Variants in AGBL4 observed in about 807,000 individuals in gnomAD.
The protein encoded by AGBL4 is AGBL carboxypeptidase 4, also known as cytosolic carboxypeptidase 6.
In AGBL4, 58 loss-of-function variants were observed where a neutral mutation model predicts 66.4. That is an observed-to-expected ratio of 0.87 (90% CI 0.71 to 1.09). The LOEUF is 1.09. Ranked by LOEUF, AGBL4 falls within the 50% of genes least tolerant of loss-of-function variation. The probability of loss-of-function intolerance (pLI) is 0.00; values close to 1 mark genes in which losing one functional copy is unlikely to be tolerated. For synonymous variants in AGBL4, 234 were observed against 222.9 expected, an observed-to-expected ratio of 1.05 and a Z score of -0.44; for missense variants, 579 against 631.0, an observed-to-expected ratio of 0.92 and a Z score of 0.88.
intron 3 of AGBL4, among the ~76,000 whole-genome samples, chr1:49,274,627 C>T (rs1054419968): frequency 6.6e-6 from 1 of 152,008 alleles, no homozygotes; most frequent in African/African-American, 2.4e-5. Context: ...AGATACAGTA[C>T]AAAATTTGCT....
At chr1:49,911,138 C>A (rs1650783084) in intron 1 of AGBL4, among the ~76,000 whole-genome samples, 1 of 152,062 alleles carries the variant, frequency 6.6e-6, no homozygotes, top group South Asian at 2.1e-4. Flanking sequence ...ACATAGTAGA[C>A]TATTCTGGGC....
intron 2 of AGBL4, among the ~76,000 whole-genome samples, chr1:49,754,678 C>T (rs576033618): frequency 6.6e-6 from 1 of 152,292 alleles, no homozygotes; most frequent in South Asian, 2.1e-4. Flanking sequence ...GTCAGGAACC[C>T]ACTTGAGGAA....
chr1:49,156,036 A>G (rs1050000754), intron 4 of AGBL4, among the ~76,000 whole-genome samples: 1 of 152,210 alleles, frequency 6.6e-6, no homozygotes, highest in South Asian at 2.1e-4. Flanking sequence ...TTGAATACCA[A>G]CTAAGTGTCA....
chr1:49,048,717 T>G (rs1644140495), intron 4 of AGBL4, among the ~76,000 whole-genome samples: 1 of 152,070 alleles, frequency 6.6e-6, no homozygotes, highest in African/African-American at 2.4e-5. Context: ...GTGTTTTATA[T>G]GCATTATGAT....
chr1:48,569,287 A>C (rs1417208053), intron 11 of AGBL4, among the ~76,000 whole-genome samples: 1 of 152,270 alleles, frequency 6.6e-6, no homozygotes, highest in Non-Finnish European at 1.5e-5. Flanking sequence ...TAAGGGAAGA[A>C]GCAATGTCTT....
chr1:48,719,717 A>G (rs796845796), intron 6 of AGBL4, among the ~76,000 whole-genome samples: 6 of 152,316 alleles, frequency 3.9e-5, no homozygotes, highest in African/African-American at 1.4e-4. Context: ...AGTGCTTTCT[A>G]TGTGCTAGGT....
rs1662647784 is a variant in AGBL4, at chr1:50,023,938, G to GTGGCCGGCGCGCGGC, written c.-157_-143dup. 1.1e-6 allele frequency: 1 copy of GTGGCCGGCGCGCGGC among 922,218 alleles called. No homozygotes were observed. 57.1% of individuals were successfully genotyped at this position (922,218 alleles called of 1,614,324 possible). A position where few individuals can be genotyped will look rare whatever the true frequency, so the allele number is the denominator to read the frequency against. ...TGGGCAACGGGCGGCAGGCGCGCGGGTGGCCGGCGCGCGGCTGAGGGCGGG... is the reference window on the plus strand; with the variant it reads ...TGGGCAACGGGCGGCAGGCGCGCGGGTGGCCGGCGCGCGGCTGGCCGGCGCGCGGCTGAGGGCGGG... On this transcript the variant is annotated 5_prime_UTR_variant, in exon 1 of 14. Coordinates refer to ENST00000371839, the MANE Select transcript of AGBL4 (RefSeq NM_032785.4).
At chr1:49,824,001 G>A (rs528108636) in intron 2 of AGBL4, among the ~76,000 whole-genome samples, 28 of 152,030 alleles carry the variant, frequency 1.8e-4, no homozygotes, top group Non-Finnish European at 2.6e-4. Flanking sequence ...ACCTGAAGTT[G>A]GGAGTTCGAG....
At chr1:49,916,842 A>G (rs1043046544) in intron 1 of AGBL4, among the ~76,000 whole-genome samples, 30 of 152,312 alleles carry the variant, frequency 2.0e-4, no homozygotes, top group Admixed American at 3.9e-4. Context: ...GAGAAAGGTC[A>G]GGTTACCCAC....
At chr1:49,435,401 T>C (rs1381029570) in intron 3 of AGBL4, among the ~76,000 whole-genome samples, 1 of 152,214 alleles carries the variant, frequency 6.6e-6, no homozygotes, top group East Asian at 1.9e-4. Flanking sequence ...TTTCCATGGA[T>C]GTATTCCCAG....
chr1:50,019,306 T>TCTCTCTCTCTCTCACACACACACA (rs1167835143), intron 1 of AGBL4, among the ~76,000 whole-genome samples: 2 of 48,432 alleles, frequency 4.1e-5, no homozygotes, highest in African/African-American at 7.4e-5. Context: ...TCTCTCTCTC[T>TCTCTCTCTCTCTCACACACACACA]CACACACACA....
At chr1:48,701,862 A>G (rs1413073050) in intron 6 of AGBL4, among the ~76,000 whole-genome samples, 1 of 152,208 alleles carries the variant, frequency 6.6e-6, no homozygotes, top group East Asian at 1.9e-4. Flanking sequence ...AAATAGACAT[A>G]AATGAATGAA....
chr1:48,704,327 C>T (rs1646848631), intron 6 of AGBL4, among the ~76,000 whole-genome samples: 1 of 152,152 alleles, frequency 6.6e-6, no homozygotes, highest in South Asian at 2.1e-4. Flanking sequence ...CGAGTGTAGA[C>T]TTTAGAAACA....
chr1:49,081,032 C>T (rs762745025), intron 4 of AGBL4, among the ~76,000 whole-genome samples: 74 of 152,210 alleles, frequency 4.9e-4, no homozygotes, highest in South Asian at 1.0e-3. Context: ...CTCTGAGACA[C>T]ATTCATATTT....
At chr1:48,768,792 A>C (rs1644661303) in intron 6 of AGBL4, among the ~76,000 whole-genome samples, 2 of 152,210 alleles carry the variant, frequency 1.3e-5, no homozygotes, top group Admixed American at 1.3e-4. Flanking sequence ...TATAAGTTTA[A>C]AGTTTTTCAT....
chr1:49,614,805 T>C (rs541297233), intron 3 of AGBL4, among the ~76,000 whole-genome samples: 1 of 152,334 alleles, frequency 6.6e-6, no homozygotes, highest in Admixed American at 6.5e-5. Flanking sequence ...CTCCCATCTT[T>C]GCATACCTCT....
In AGBL4 at chr1:48,939,429, T is replaced by C. The variant is rs576576397; in HGVS notation, c.595-72199A>G. 2.0e-4 allele frequency among the ~76,000 whole-genome samples: 31 copies of C among 152,324 alleles called. 1 individual carries two copies. The South Asian group carries it at 6.4e-3, about 32-fold the overall frequency. ...AATGGCATTAGCATCTAGTCAATAATGCTCAGCATTTCATTTTAGCACTTT... is the reference window on the plus strand; with the variant it reads ...AATGGCATTAGCATCTAGTCAATAACGCTCAGCATTTCATTTTAGCACTTT... On this transcript the variant is annotated intron_variant, in intron 5 of 13. Transcript: ENST00000371839.
At chr1:48,594,376 C>A (rs971277227) in intron 9 of AGBL4, among the ~76,000 whole-genome samples, 1 of 152,094 alleles carries the variant, frequency 6.6e-6, no homozygotes, top group Admixed American at 6.6e-5. Context: ...AATTTGCATT[C>A]TCTTTTCTAA....
intron 1 of AGBL4, among the ~76,000 whole-genome samples, chr1:49,992,662 A>T (rs1444121809): frequency 6.6e-6 from 1 of 152,012 alleles, no homozygotes; most frequent in Non-Finnish European, 1.5e-5. Context: ...ATCCTTCATA[A>T]TTCCTTTAGG....
Sources: allele counts gnomAD v4.1 joint callset (sites outside exome capture counted in the v4.1 genomes callset), GRCh38; gene constraint gnomAD v4.1.1; transcripts MANE v1.5; gene names NCBI Gene and HGNC (gene_info 2026-07-23, HGNC 2026-07-21).